The following PCCA variants were observed in gnomAD, a reference collection of about 807,000 sequenced individuals.
PCCA encodes the protein propionyl-CoA carboxylase subunit alpha.
PCCA carries 74 observed loss-of-function variants against 101.3 expected under a neutral mutation model. The observed-to-expected ratio is 0.73, with a 90% CI of 0.61 to 0.89. The LOEUF is 0.89. Ranked by LOEUF, PCCA falls within the 40% of genes least tolerant of loss-of-function variation. PCCA has a pLI of 0.00. For synonymous variants in PCCA, 294 were observed against 313.6 expected (o/e 0.94, Z 0.66); for missense variants, 891 against 907.0 (o/e 0.98, Z 0.23).
intron 10 of PCCA, among the ~76,000 whole-genome samples, chr13:100,266,242 T>C (rs1172412054): frequency 6.6e-6 from 1 of 152,220 alleles, no homozygotes; most frequent in African/African-American, 2.4e-5. Context: ...ACTCATTTGC[T>C]GTCCCCAGCA....
intron 19 of PCCA, among the ~76,000 whole-genome samples, chr13:100,419,471 C>CAAAAAAAAAAAA (rs56795912): frequency 8.9e-6 from 1 of 112,900 alleles, no homozygotes; most frequent in African/African-American, 2.8e-5. Flanking sequence ...GACTTTGTCT[C>CAAAAAAAAAAAA]AAAAAAAAAA....
chr13:100,435,745 A>T (rs2079882547), intron 20 of PCCA, among the ~76,000 whole-genome samples: 1 of 152,176 alleles, frequency 6.6e-6, no homozygotes, highest in Non-Finnish European at 1.5e-5. Context: ...GGATTTATTG[A>T]AAACAAAAGT....
At chr13:100,309,501 A>T (rs115150221) in intron 15 of PCCA, among the ~76,000 whole-genome samples, 2,200 of 152,098 alleles carry the variant, frequency 0.014, 48 homozygotes, top group African/African-American at 0.051. Context: ...CCTCACCACT[A>T]CCCTTGGTGT....
rs548747131 is a variant in PCCA at position 100,485,527 on chromosome 13, G to A, written c.1900-29900G>A. On this transcript the variant is annotated intron_variant, in intron 21 of 23. Transcript: ENST00000376285. The stretch of plus-strand genomic sequence containing the variant: ...TTGTAAGAGGAGTTTCTCTGAAAGA[G>A]TTCTGCTCTTTGAACTGGCAACCCC... Among the ~76,000 whole-genome samples the A allele has an allele frequency of 8.1e-4, 124 of 152,346 alleles. 1 individual carries two copies. The highest frequency in any genetic ancestry group is 2.6e-3 in the African/African-American group (108 of 41,572).
intron 12 of PCCA, among the ~76,000 whole-genome samples, chr13:100,274,539 G>A (rs79001960): frequency 0.017 from 2,572 of 152,204 alleles, 91 homozygotes; most frequent in African/African-American, 0.058. Context: ...CAGCCGAGTG[G>A]GTTCCTTCCT....
chr13:100,178,667 C>T (rs972338669), intron 6 of PCCA, among the ~76,000 whole-genome samples: 1 of 151,972 alleles, frequency 6.6e-6, no homozygotes, highest in Non-Finnish European at 1.5e-5. Context: ...AGGGTGGGGA[C>T]GGAGATACAG....
intron 20 of PCCA, among the ~76,000 whole-genome samples, chr13:100,448,741 C>G (rs1555298200): frequency 6.6e-6 from 1 of 152,152 alleles, no homozygotes; most frequent in Non-Finnish European, 1.5e-5. Flanking sequence ...CATAGAATTG[C>G]ATTGTTGTTT....
chr13:100,111,416 C>T (rs370063367), intron 2 of PCCA, among the ~76,000 whole-genome samples: 2 of 152,152 alleles, frequency 1.3e-5, no homozygotes, highest in African/African-American at 2.4e-5. Flanking sequence ...CTGCCTTGGC[C>T]TCCCAAAGTG....
At chr13:100,121,892 T>C (rs2049438089) in intron 4 of PCCA, among the ~76,000 whole-genome samples, 1 of 152,342 alleles carries the variant, frequency 6.6e-6, no homozygotes, top group Middle Eastern at 3.4e-3. Context: ...TCCAGAACAA[T>C]GTTGAAGAGG....
chr13:100,197,450 A>C (rs544366569), intron 6 of PCCA, among the ~76,000 whole-genome samples: 1 of 149,680 alleles, frequency 6.7e-6, no homozygotes, highest in Non-Finnish European at 1.5e-5. Context: ...ATTTTAATTT[A>C]ATTTTATTTT....
At chr13:100,406,516 C>T (rs1225106082) in intron 19 of PCCA, among the ~76,000 whole-genome samples, 1 of 152,160 alleles carries the variant, frequency 6.6e-6, no homozygotes. Context: ...ACCAGCCTGA[C>T]CAACACGGAG....
intron 12 of PCCA, among the ~76,000 whole-genome samples, chr13:100,298,801 G>A (rs1025686913): frequency 4.8e-5 from 7 of 145,916 alleles, no homozygotes; most frequent in African/African-American, 7.7e-5. Flanking sequence ...CTTAAGTATT[G>A]AGCTTAACTT....
chr13:100,135,162 G>A (rs1257476104), intron 4 of PCCA, among the ~76,000 whole-genome samples: 2 of 151,848 alleles, frequency 1.3e-5, no homozygotes, highest in Non-Finnish European at 2.9e-5. Context: ...GGGAGGCTGA[G>A]GTGGGAGGAT....
intron 4 of PCCA, among the ~76,000 whole-genome samples, chr13:100,140,835 T>G (rs2051777716): frequency 6.6e-6 from 1 of 152,164 alleles, no homozygotes; most frequent in Non-Finnish European, 1.5e-5. Flanking sequence ...TGGGAAGGAA[T>G]TAGCAGAATG....
At chr13:100,238,644 G>T (rs1326611995) in intron 8 of PCCA, among the ~76,000 whole-genome samples, 3 of 152,168 alleles carry the variant, frequency 2.0e-5, no homozygotes, top group Non-Finnish European at 4.4e-5. Flanking sequence ...AAAGCTTTTA[G>T]AATTTCTCTG....
intron 16 of PCCA, among the ~76,000 whole-genome samples, chr13:100,310,463 A>G (rs944601070): frequency 1.3e-5 from 2 of 152,164 alleles, no homozygotes; most frequent in African/African-American, 4.8e-5. Context: ...CAGTAAATCC[A>G]TGAATTTGAG....
chr13:100,286,566 G>A (rs2064682452), intron 12 of PCCA, among the ~76,000 whole-genome samples: 1 of 152,158 alleles, frequency 6.6e-6, no homozygotes, highest in Admixed American at 6.5e-5. Flanking sequence ...TGAACATATT[G>A]ACATATTAAT....
At chr13:100,521,446 G>C (rs552238541) in intron 22 of PCCA, among the ~76,000 whole-genome samples, 1 of 152,202 alleles carries the variant, frequency 6.6e-6, no homozygotes, top group Non-Finnish European at 1.5e-5. Flanking sequence ...TCTCCTGCCC[G>C]CCTGGTCTGT....
chr13:100,173,516 C>T (rs1022703129), intron 6 of PCCA, among the ~76,000 whole-genome samples: 1 of 152,070 alleles, frequency 6.6e-6, no homozygotes, highest in Non-Finnish European at 1.5e-5. Flanking sequence ...AAATACATAT[C>T]CTAGAGAAAG....
Sources: gnomAD v4.1 joint callset for allele counts (sites outside exome capture counted in the v4.1 genomes callset) on GRCh38, gnomAD v4.1.1 for gene constraint, MANE v1.5 for transcripts, NCBI Gene and HGNC (gene_info 2026-07-23, HGNC 2026-07-21) for gene names.